The following LZTS2 variants were observed in gnomAD, a reference collection of about 807,000 sequenced individuals.
LZTS2 encodes leucine zipper putative tumor suppressor 2.
Under a neutral mutation model 60.6 loss-of-function variants are expected in LZTS2, and 32 were observed. The observed-to-expected ratio is 0.53, with a 90% CI of 0.40 to 0.71. LZTS2 has a LOEUF of 0.71. Ranked by LOEUF, LZTS2 falls within the 30% of genes least tolerant of loss-of-function variation. The pLI, the probability that LZTS2 is intolerant of heterozygous loss-of-function variation, is 0.00. For missense variants in LZTS2, 792 were observed against 901.9 expected (o/e 0.88, Z 1.56); for synonymous variants, 360 against 393.1 (o/e 0.92, Z 1.00).
exon 2 of LZTS2, chr10:101,003,964 T>C (rs778461680): frequency 3.7e-6 from 6 of 1,611,848 alleles, no homozygotes; most frequent in Non-Finnish European, 4.2e-6. Flanking sequence ...GGGGGCCGTG[T>C]GGCTGGGGGG....
At chr10:100,997,777 T>C (rs912326758), upstream of LZTS2, among the ~76,000 whole-genome samples, 61 of 152,318 alleles carry the variant, frequency 4.0e-4, no homozygotes, top group African/African-American at 1.4e-3. Flanking sequence ...GCGCGTTTGC[T>C]TGGTCCCAGG....
chr10:101,003,774 T>A, exon 2 of LZTS2: 1 of 1,613,098 alleles, frequency 6.2e-7, no homozygotes. Context: ...AAACTCACTG[T>A]CCAGCCTGCC....
chr10:100,999,307 C>T (rs1851976459), upstream of LZTS2, among the ~76,000 whole-genome samples: 1 of 152,238 alleles, frequency 6.6e-6, no homozygotes, highest in Admixed American at 6.5e-5. Context: ...TTGCCGCCTC[C>T]AACCCGCCGT....
At chr10:101,000,303 G>A (rs991754872) in exon 1 of LZTS2, 1 of 152,296 alleles carries the variant, frequency 6.6e-6, no homozygotes, top group Non-Finnish European at 1.5e-5. Flanking sequence ...GGGAGAATGA[G>A]GGGTTCCCAT....
chr10:101,007,748 C>A, exon 4 of LZTS2: 1 of 647,756 alleles, frequency 1.5e-6, no homozygotes, highest in Non-Finnish European at 2.0e-6. Context: ...GGTTTATGGC[C>A]TCGTTTTCAC....
chr10:100,997,488 A>G (rs912387801), upstream of LZTS2, among the ~76,000 whole-genome samples: 2 of 152,110 alleles, frequency 1.3e-5, no homozygotes, highest in East Asian at 1.9e-4. Flanking sequence ...GGACGCGCCC[A>G]GTTGGCCACC....
Position 101,007,553 on chromosome 10 carries a change from T to G in LZTS2, c.*385T>G, listed in dbSNP as rs1296124176. ...GACCCCAAAGCCAGAGAAAGCCAGATGGCACCAGCTGCTCCGGATGTGCCT... is the reference window on the plus strand; with the variant it reads ...GACCCCAAAGCCAGAGAAAGCCAGAGGGCACCAGCTGCTCCGGATGTGCCT... On this transcript the variant is annotated 3_prime_UTR_variant, in exon 4 of 4. Coordinates refer to ENST00000370220, the Ensembl canonical transcript of LZTS2. 3 of 1,310,226 alleles carry G rather than the reference T, an allele frequency of 2.3e-6. No homozygotes were observed. The African/African-American group carries it at 4.5e-5, about 20-fold the overall frequency. 81.2% of individuals were successfully genotyped at this position (1,310,226 alleles called of 1,614,324 possible). A position where few individuals can be genotyped will look rare whatever the true frequency, so the allele number is the denominator to read the frequency against.
rs765668360 is a variant in LZTS2 at position 101,004,170 on chromosome 10, TG to T, written c.1068+6del. The T allele has an allele frequency of 6.3e-7, 1 of 1,588,270 alleles. No individual in the cohort carries two copies. The highest frequency in any genetic ancestry group is 1.7e-5 in the Admixed American group (1 of 58,968). ...GAATGAGGCTACCATGTGCCAGGTG[TG>T]GTCAGAGGCAATGATGGGGAAGGGG... On this transcript the variant is annotated splice_donor_5th_base_variant and intron_variant, in intron 2 of 3. Coordinates refer to ENST00000370220, the Ensembl canonical transcript of LZTS2.
At chr10:101,006,462 T>A in intron 3 of LZTS2, 23 bp from the exon 5 acceptor site, 1 of 1,595,850 alleles carries the variant, frequency 6.3e-7, no homozygotes. Flanking sequence ...TCACCATCCT[T>A]CCCCACTTCC....
chr10:100,998,203 G>C (rs979425395), upstream of LZTS2: 2 of 152,436 alleles, frequency 1.3e-5, no homozygotes, highest in African/African-American at 4.8e-5. Context: ...GGGAATGAGG[G>C]AGTGGGCAGT....
At chr10:101,000,596 C>G (rs1282872313) in exon 1 of LZTS2, 2 of 152,350 alleles carry the variant, frequency 1.3e-5, no homozygotes, top group Non-Finnish European at 2.9e-5. Context: ...TTTTGGGTCC[C>G]TGTCTTTCTC....
At chr10:101,004,043 GCCTCCA>G (rs1852111447) in exon 2 of LZTS2, 8 of 1,613,328 alleles carry the variant, frequency 5.0e-6, no homozygotes, top group Non-Finnish European at 6.8e-6. Context: ...CACCACCCCC[GCCTCCA>G]CCTCCTTCGG....
chr10:101,007,099 C>T (rs778210265), exon 4 of LZTS2: 33 of 1,611,102 alleles, frequency 2.0e-5, no homozygotes, highest in African/African-American at 6.7e-5. Flanking sequence ...CCCGGGAGCT[C>T]GCTGACCTGG....
chr10:101,005,374 C>T, intron 2 of LZTS2, 84 bp from the exon 4 acceptor site: 1 of 1,448,976 alleles, frequency 6.9e-7, no homozygotes, highest in Non-Finnish European at 9.1e-7. Context: ...CTTCCTGAGC[C>T]CTCGGAAGTG....
intron 2 of LZTS2, 53 bp downstream of exon 3, chr10:101,004,219 C>G: frequency 6.5e-7 from 1 of 1,528,390 alleles, no homozygotes; most frequent in Non-Finnish European, 8.8e-7. Context: ...TCCCAAGGCC[C>G]TGGGATGCAA....
chr10:101,006,465 C>T lies in LZTS2; in HGVS notation c.1327-20C>T, dbSNP rs766626318. On this transcript the variant is annotated intron_variant, in intron 3 of 3. Coordinates refer to ENST00000370220, the Ensembl canonical transcript of LZTS2. ...GGAGAACCTGTCTCACCATCCTTCCCCACTTCCTCCCACCCCCAGGTGTGC... is the reference window on the plus strand; with the variant it reads ...GGAGAACCTGTCTCACCATCCTTCCTCACTTCCTCCCACCCCCAGGTGTGC... 6.0e-5 allele frequency: 96 copies of T among 1,597,214 alleles called. No homozygotes were observed. Among genetic ancestry groups the T allele is most frequent in the Non-Finnish European group, 7.8e-5 (91 of 1,171,818 alleles).
Position 101,006,893 on chromosome 10 carries a change from C to T in LZTS2, c.1735C>T (p.Arg579Trp), listed in dbSNP as rs535080900. 43 of 1,532,098 alleles carry T rather than the reference C, an allele frequency of 2.8e-5. No homozygotes were observed. In the South Asian group the frequency reaches 3.2e-4, roughly 12 times the overall value. The allele number at this position is 1,532,098 out of a possible 1,614,324, so 94.9% of individuals were successfully genotyped here. A position where few individuals can be genotyped will look rare whatever the true frequency, so the allele number is the denominator to read the frequency against. Residue 579 changes from arginine to tryptophan, a missense_variant, in exon 4 of 4, where the codon CGG becomes TGG. Arg to Trp is a moderately radical substitution (Grantham distance 101, BLOSUM62 -3). Coordinates refer to ENST00000370220, the Ensembl canonical transcript of LZTS2. ...CTTGCGGGCCCAGGTGGAGCGATTG[C>T]GGGTGGAGCTGCAGCGGGAGCGGCG...
chr10:100,997,219 G>A (rs1851934582), upstream of LZTS2: 2 of 152,468 alleles, frequency 1.3e-5, no homozygotes, highest in Admixed American at 6.5e-5. Flanking sequence ...TGGAGCCGAG[G>A]CGCAGGTGGC....
intron 3 of LZTS2, among the ~76,000 whole-genome samples, chr10:101,006,156 G>A (rs1429658724): frequency 2.0e-5 from 3 of 152,144 alleles, no homozygotes; most frequent in Non-Finnish European, 4.4e-5. Flanking sequence ...CAGGCACCTG[G>A]GCACTGCCCT....
Sources: allele counts gnomAD v4.1 joint callset (sites outside exome capture counted in the v4.1 genomes callset), GRCh38; gene constraint gnomAD v4.1.1; transcripts MANE v1.5; gene names NCBI Gene and HGNC (gene_info 2026-07-23, HGNC 2026-07-21).